The following MLPH variants were observed in gnomAD, a reference collection of about 807,000 sequenced individuals.
MLPH encodes melanophilin.
A neutral mutation model predicts 72.1 loss-of-function variants in MLPH; 51 were observed. That is an observed-to-expected ratio of 0.71 (90% confidence interval 0.56 to 0.89). MLPH has a LOEUF of 0.89. Ranked by LOEUF, MLPH falls within the 40% of genes least tolerant of loss-of-function variation. The pLI is 0.00. For missense variants in MLPH, 743 were observed against 759.9 expected, an observed-to-expected ratio of 0.98 and a Z score of 0.26; for synonymous variants, 301 against 310.1, an observed-to-expected ratio of 0.97 and a Z score of 0.31.
At chr2:237,538,996 A>AAGGAGGGAGCCGCTGC (rs1159778751) in intron 9 of MLPH, among the ~76,000 whole-genome samples, 1 of 152,190 alleles carries the variant, frequency 6.6e-6, no homozygotes, top group Admixed American at 6.5e-5. Flanking sequence ...CTAAGGTCCC[A>AAGGAGGGAGCCGCTGC]AGGAGGGAGC....
At chr2:237,517,395 G>A (rs1377455867) in intron 4 of MLPH, among the ~76,000 whole-genome samples, 3 of 151,220 alleles carry the variant, frequency 2.0e-5, no homozygotes, top group African/African-American at 7.3e-5. Flanking sequence ...AGATAAGGTG[G>A]TAGGTGGGTC....
chr2:237,537,757 T>C lies in MLPH; in HGVS notation c.1105-2591T>C, dbSNP rs1006574427. On this transcript the variant is annotated intron_variant, in intron 9 of 15. Transcript: ENST00000264605. ...GCTTGATGGGTGAGGGAGGGATCGA[T>C]GCAGCCCAGGGGCGCCGTGGGCTGT... 2.0e-5 allele frequency: 3 copies of C among 152,120 alleles called. No individual in the cohort carries two copies. In the East Asian group the frequency reaches 5.8e-4, roughly 29 times the overall value. The allele number at this position is 152,120 out of a possible 1,614,324, so 9.4% of individuals were successfully genotyped here.
chr2:237,548,812 G>A (rs2080972122), intron 13 of MLPH, among the ~76,000 whole-genome samples: 1 of 152,248 alleles, frequency 6.6e-6, no homozygotes, highest in Non-Finnish European at 1.5e-5. Context: ...CCGGGAGGCG[G>A]AGCTTGCAGT....
intron 4 of MLPH, among the ~76,000 whole-genome samples, chr2:237,514,755 C>G (rs2079978633): frequency 6.6e-6 from 1 of 152,346 alleles, no homozygotes; most frequent in Non-Finnish European, 1.5e-5. Context: ...AAACCCTTGA[C>G]AGCTTTTATC....
At chr2:237,525,916 C>T (rs1377838730) in intron 7 of MLPH, 111 bp downstream of exon 7, 4 of 1,086,104 alleles carry the variant, frequency 3.7e-6, no homozygotes, top group Non-Finnish European at 5.4e-6. Context: ...ATTTGAAAGG[C>T]CCCTTCCTTT....
chr2:237,548,223 C>A (rs1471094504), intron 13 of MLPH, among the ~76,000 whole-genome samples: 1 of 152,206 alleles, frequency 6.6e-6, no homozygotes, highest in African/African-American at 2.4e-5. Context: ...CTGGTGGGGG[C>A]GCTTCCACCT....
chr2:237,515,224 G>T (rs1349931279), intron 4 of MLPH, among the ~76,000 whole-genome samples: 1 of 152,228 alleles, frequency 6.6e-6, no homozygotes, highest in Non-Finnish European at 1.5e-5. Flanking sequence ...CTCGGGGGCG[G>T]ATGAAAGGAG....
In MLPH at chr2:237,540,333, G is replaced by C; in HGVS notation, c.1105-15G>C. On this transcript the variant is annotated splice_polypyrimidine_tract_variant and intron_variant, in intron 9 of 15. Transcript: ENST00000264605. Reference sequence around the variant, plus strand: ...ATGGCTAGCCGAATCCAAATCCACTGGCCTGTTCTGTCAGGGTCTAGGTGC... The same window carrying C: ...ATGGCTAGCCGAATCCAAATCCACTCGCCTGTTCTGTCAGGGTCTAGGTGC... 1 of 1,613,158 alleles carries C rather than the reference G, an allele frequency of 6.2e-7. No homozygotes were observed. Among genetic ancestry groups the C allele is most frequent in the Non-Finnish European group, 8.5e-7 (1 of 1,179,962 alleles).
In MLPH at chr2:237,553,895, G is replaced by A. The variant is rs780001967; in HGVS notation, c.*303G>A. The A allele has an allele frequency of 8.0e-5, 45 of 566,024 alleles. No individual in the cohort carries two copies. The highest frequency in any genetic ancestry group is 2.0e-4 in the East Asian group (6 of 30,108). The allele number at this position is 566,024 out of a possible 1,614,324, so 35.1% of individuals were successfully genotyped here. On this transcript the variant is annotated 3_prime_UTR_variant, in exon 16 of 16. Transcript: ENST00000264605. ...TGTGTAAATCTTTGAAGGACACACC[G>A]AAGACCTTTATACTGTGATCTTTTA... is the stretch of plus-strand genomic sequence containing the variant.
rs555424776 is a variant in MLPH, at chr2:237,526,309, T to C, written c.880+504T>C. Among the ~76,000 whole-genome samples the C allele has an allele frequency of 2.0e-5, 3 of 152,288 alleles. No individual in the cohort carries two copies. In the East Asian group the frequency reaches 5.8e-4, roughly 30 times the overall value. ...TCTTTTCTGGTACCCCAAGGGTGTA[T>C]GTACCATGGGTCCGAGAGTTCAGAT... On this transcript the variant is annotated intron_variant, in intron 7 of 15. Transcript: ENST00000264605.
chr2:237,526,036 T>G (rs2106340535), intron 7 of MLPH, among the ~76,000 whole-genome samples: 1 of 152,250 alleles, frequency 6.6e-6, no homozygotes, highest in South Asian at 2.1e-4. Context: ...GCACAGGAGG[T>G]GGCCAGCCCA....
intron 1 of MLPH, among the ~76,000 whole-genome samples, chr2:237,492,965 C>T (rs577576366): frequency 7.2e-5 from 11 of 152,344 alleles, no homozygotes; most frequent in African/African-American, 2.6e-4. Flanking sequence ...TATGAATTTG[C>T]TGTGAAGTTT....
chr2:237,507,019 G>A (rs184080927), intron 2 of MLPH, among the ~76,000 whole-genome samples: 39 of 151,370 alleles, frequency 2.6e-4, no homozygotes, highest in East Asian at 2.3e-3. Flanking sequence ...ATGAAAACCC[G>A]GCAGTTGGAG....
Position 237,510,424 on chromosome 2 carries a change from C to CGTT in MLPH, c.111-148_111-146dup, listed in dbSNP as rs1317631055. The CGTT allele has an allele frequency of 3.0e-5, 25 of 847,256 alleles. No homozygotes were observed. Among genetic ancestry groups the CGTT allele is most frequent in the Non-Finnish European group, 4.7e-5 (24 of 510,880 alleles). The allele number at this position is 847,256 out of a possible 1,614,324, so 52.5% of individuals were successfully genotyped here. ...AAGATGCCTGTGTGGCTTTGCCCAACGTTGGGTCACTGTTTTCTGCATAGG... is the reference window on the plus strand; with the variant it reads ...AAGATGCCTGTGTGGCTTTGCCCAACGTTGTTGGGTCACTGTTTTCTGCATAGG... On this transcript the variant is annotated intron_variant, in intron 2 of 15. Coordinates refer to ENST00000264605, the MANE Select transcript of MLPH (RefSeq NM_024101.7). This position sits in a 1 kb window ranked among gnomAD's most constrained non-coding sequence, Gnocchi z 4.4.
chr2:237,507,108 C>G (rs2079794487), intron 2 of MLPH: 1 of 140,374 alleles, frequency 7.1e-6, no homozygotes, highest in South Asian at 2.3e-4. Context: ...CTCTGCCACC[C>G]TTGGATGGAG....
At chr2:237,498,881 T>A (rs987535337) in intron 2 of MLPH, among the ~76,000 whole-genome samples, 8 of 152,162 alleles carry the variant, frequency 5.3e-5, no homozygotes, top group Non-Finnish European at 1.2e-4. Flanking sequence ...TTAGGATAGA[T>A]TTGACTTAAC....
chr2:237,537,280 TTG>T (rs372568452), intron 9 of MLPH, among the ~76,000 whole-genome samples: 6 of 151,468 alleles, frequency 4.0e-5, no homozygotes, highest in African/African-American at 1.2e-4. Flanking sequence ...GTGTGTAGGT[TTG>T]TGTGTGTGTG....
chr2:237,493,589 G>A, intron 2 of MLPH, 53 bp downstream of exon 2: 1 of 1,410,554 alleles, frequency 7.1e-7, no homozygotes, highest in Non-Finnish European at 1.0e-6. Context: ...TCTTCCCCCA[G>A]GGCCATCATA....
rs2080675078 is a variant in MLPH, at chr2:237,541,232, A to G, written c.1446+275A>G. ...TTCCACCAAGAAAAAGGTGCTGAAC[A>G]CACAATCCCTGACCCAGGATGGGGG... On this transcript the variant is annotated intron_variant, in intron 11 of 15. Coordinates refer to ENST00000264605, the MANE Select transcript of MLPH (RefSeq NM_024101.7). The surrounding 1 kb of genome is among the most constrained non-coding windows in gnomAD (Gnocchi z 5.1). 6.6e-6 allele frequency among the ~76,000 whole-genome samples: 1 copy of G among 152,090 alleles called. No homozygotes were observed. The highest frequency in any genetic ancestry group is 1.5e-5 in the Non-Finnish European group (1 of 68,010).
Sources: gnomAD v4.1 joint callset for allele counts (sites outside exome capture counted in the v4.1 genomes callset) on GRCh38, gnomAD v4.1.1 for gene constraint, Gnocchi (gnomAD v3.1) non-coding constraint, MANE v1.5 for transcripts, NCBI Gene and HGNC (gene_info 2026-07-23, HGNC 2026-07-21) for gene names.